The following RDX variants were observed in gnomAD, a reference collection of about 807,000 sequenced individuals.
RDX encodes radixin.
In RDX, 32 loss-of-function variants were observed where a neutral mutation model predicts 83.7. The observed-to-expected ratio is 0.38, with a 90% confidence interval of 0.29 to 0.51. The LOEUF (loss-of-function observed/expected upper bound fraction) is 0.51. Among genes scored for constraint, RDX ranks in the 20% least tolerant of loss-of-function variants. RDX has a pLI of 0.87. For missense variants in RDX, 600 were observed against 689.9 expected (o/e 0.87, Z 1.46); for synonymous variants, 229 against 222.7 (o/e 1.03, Z -0.25).
intron 10 of RDX, among the ~76,000 whole-genome samples, chr11:110,243,682 C>T (rs2134329407): frequency 1.3e-5 from 2 of 152,066 alleles, no homozygotes; most frequent in East Asian, 3.9e-4. Flanking sequence ...CATGCCACTG[C>T]ACTCCAGCCT....
At chr11:110,232,090 A>G (rs1195676182) in intron 13 of RDX, 57 bp from the exon 14 acceptor site, 1 of 1,382,750 alleles carries the variant, frequency 7.2e-7, no homozygotes, top group East Asian at 2.4e-5. Flanking sequence ...AAAAAAATTT[A>G]TGAAAATGGC....
intron 15 of RDX, among the ~76,000 whole-genome samples, chr11:110,179,186 C>CA: frequency 6.6e-6 from 1 of 152,304 alleles, no homozygotes; most frequent in South Asian, 2.1e-4. Context: ...ATGCCAGACA[C>CA]ATTTTGGAAG....
chr11:110,237,761 T>A (rs752304858), intron 10 of RDX, 109 bp from the exon 11 acceptor site: 4 of 1,217,254 alleles, frequency 3.3e-6, no homozygotes, highest in Non-Finnish European at 4.9e-6. Context: ...TTCTAAAAGT[T>A]AGCACACATG....
chr11:110,240,915 G>T (rs1387464893), intron 10 of RDX, among the ~76,000 whole-genome samples: 41 of 150,936 alleles, frequency 2.7e-4, no homozygotes, highest in Non-Finnish European at 4.0e-4. Flanking sequence ...AATTAGCTGG[G>T]TGTGGTGGCG....
At chr11:110,273,255 T>C (rs188551799) in intron 2 of RDX, among the ~76,000 whole-genome samples, 1 of 152,360 alleles carries the variant, frequency 6.6e-6, no homozygotes, top group African/African-American at 2.4e-5. Context: ...GGTATTTAAA[T>C]TGAGGTCTAA....
chr11:110,202,615 G>A (rs1421326465), intron 14 of RDX, among the ~76,000 whole-genome samples: 1 of 138,864 alleles, frequency 7.2e-6, no homozygotes, highest in Non-Finnish European at 1.5e-5. Context: ...TTTTTTTTTG[G>A]TTGGGGAGGG....
intron 15 of RDX, chr11:110,180,059 G>A (rs1446495350): frequency 5.8e-5 from 17 of 293,104 alleles, no homozygotes; most frequent in Middle Eastern, 1.3e-3. Flanking sequence ...GCACCACCAC[G>A]CCTGGCTAAT....
chr11:110,206,256 CAAA>C (rs3040335), intron 14 of RDX, among the ~76,000 whole-genome samples: 2 of 110,188 alleles, frequency 1.8e-5, no homozygotes, highest in Admixed American at 1.1e-4. Flanking sequence ...GAGTCCATCT[CAAA>C]AAAAAAAAAA....
chr11:110,243,005 T>G (rs147411730), intron 10 of RDX, among the ~76,000 whole-genome samples: 2 of 152,148 alleles, frequency 1.3e-5, no homozygotes, highest in Non-Finnish European at 2.9e-5. Flanking sequence ...CTGTAAAGCA[T>G]GAAATATTTA....
At chr11:110,249,411 G>T (rs1386795788) in intron 9 of RDX, among the ~76,000 whole-genome samples, 2 of 152,066 alleles carry the variant, frequency 1.3e-5, no homozygotes, top group African/African-American at 2.4e-5. Context: ...AATTCCTGCA[G>T]CTCCTAGATA....
chr11:110,237,031 C>T (rs1043185437), intron 11 of RDX, among the ~76,000 whole-genome samples: 10 of 151,382 alleles, frequency 6.6e-5, no homozygotes, highest in African/African-American at 2.4e-4. Context: ...TTAAGTGACA[C>T]GCTTACATCT....
At chr11:110,267,691 C>G (rs897014634) in intron 3 of RDX, among the ~76,000 whole-genome samples, 14 of 151,684 alleles carry the variant, frequency 9.2e-5, no homozygotes, top group African/African-American at 3.1e-4. Context: ...TGGCTGGGCA[C>G]AGTGGCTCAC....
intron 2 of RDX, among the ~76,000 whole-genome samples, chr11:110,278,229 C>CT (rs200954462): frequency 0.43 from 63,934 of 149,144 alleles, 13,537 homozygotes; most frequent in East Asian, 0.52. Flanking sequence ...TGTAAGTTTT[C>CT]TTTTTTTTTT....
In RDX at chr11:110,230,432, T is replaced by C. The variant is rs1258060286; in HGVS notation, c.*1437A>G. The C allele has an allele frequency of 6.6e-6, 1 of 152,120 alleles. No homozygotes were observed. Among genetic ancestry groups the C allele is most frequent in the African/African-American group, 2.4e-5 (1 of 41,454 alleles). The allele number at this position is 152,120 out of a possible 1,614,324, so 9.4% of individuals were successfully genotyped here. On this transcript the variant is annotated 3_prime_UTR_variant, in exon 14 of 14. Coordinates refer to ENST00000645495, the MANE Select transcript of RDX (RefSeq NM_002906.4). ...CTAAAATAAGAATTAACAAACCAAA[T>C]TTAAGTATTTTTAGTCAGAGATTGA...
rs191958394 is a variant in RDX at position 110,200,586 on chromosome 11, G to C, written c.1749-908C>G. Among the ~76,000 whole-genome samples the C allele has an allele frequency of 1.7e-3, 252 of 152,262 alleles. 2 individuals are homozygous for C. The highest frequency in any genetic ancestry group is 5.8e-3 in the African/African-American group (243 of 41,548). On this transcript the variant is annotated intron_variant, in intron 14 of 15. Transcript: ENST00000528498. Reference sequence around the variant, plus strand: ...ATGAACCAAAAGGGCAGCTGTGGTGGGCTGTTTCCCATGGAAACCACGTCA... The same window carrying C: ...ATGAACCAAAAGGGCAGCTGTGGTGCGCTGTTTCCCATGGAAACCACGTCA...
At chr11:110,235,955 T>C in intron 12 of RDX, 144 bp downstream of exon 12, 1 of 670,342 alleles carries the variant, frequency 1.5e-6, no homozygotes, top group Admixed American at 2.4e-5. Context: ...TTTATATCTG[T>C]AGATAGATAT....
At chr11:110,179,536 G>A (rs1165214240) in intron 15 of RDX, among the ~76,000 whole-genome samples, 1 of 152,208 alleles carries the variant, frequency 6.6e-6, no homozygotes, top group Admixed American at 6.5e-5. Context: ...ACTTCGGAAG[G>A]CCGAGGTGGG....
At chr11:110,244,964 GT>G (rs200267779) in intron 10 of RDX, among the ~76,000 whole-genome samples, 2,097 of 136,256 alleles carry the variant, frequency 0.015, 29 homozygotes, top group African/African-American at 0.04. Context: ...GTACTTCAAA[GT>G]TTTTTTTTTT....
At chr11:110,199,440 C>A in intron 15 of RDX, 1 of 614,802 alleles carries the variant, frequency 1.6e-6, no homozygotes, top group Admixed American at 2.6e-5. Flanking sequence ...TTGGTCAGTT[C>A]CTTTGACTTG....
Sources: allele counts gnomAD v4.1 joint callset (sites outside exome capture counted in the v4.1 genomes callset), GRCh38; gene constraint gnomAD v4.1.1; transcripts MANE v1.5; gene names NCBI Gene and HGNC (gene_info 2026-07-23, HGNC 2026-07-21).